The following DRC11 variants were observed in gnomAD, a reference collection of about 807,000 sequenced individuals.
DRC11 encodes dynein regulatory complex subunit 11.
chr2:236,310,523 G>A, the DRC11 span, among the ~76,000 whole-genome samples: 1 of 152,244 alleles, frequency 6.6e-6, no homozygotes. This position sits in a 1 kb window ranked among gnomAD's most constrained non-coding sequence, Gnocchi z 5.5. Context: ...TTGATGTCAT[G>A]AGGAAAATAA....
chr2:236,357,985 TA>T, the DRC11 span, among the ~76,000 whole-genome samples: 1 of 114,982 alleles, frequency 8.7e-6, no homozygotes, highest in Non-Finnish European at 1.6e-5. Flanking sequence ...TACTCATATA[TA>T]AATATATATG....
At chr2:236,315,913 A>G in the DRC11 span, among the ~76,000 whole-genome samples, 1 of 152,160 alleles carries the variant, frequency 6.6e-6, no homozygotes, top group African/African-American at 2.4e-5. The surrounding 1 kb of genome is among the most constrained non-coding windows in gnomAD (Gnocchi z 5.1). Context: ...TACCTAAGTA[A>G]TGGGTTGATA....
the DRC11 span, among the ~76,000 whole-genome samples, chr2:236,348,814 A>T: frequency 6.6e-6 from 1 of 152,086 alleles, no homozygotes; most frequent in Non-Finnish European, 1.5e-5. The surrounding 1 kb of genome is among the most constrained non-coding windows in gnomAD (Gnocchi z 7.4). Context: ...ACAGGTTCCC[A>T]AAGACCCTGC....
chr2:236,391,950 C>T, the DRC11 span: 1 of 1,596,424 alleles, frequency 6.3e-7, no homozygotes, highest in Non-Finnish European at 8.6e-7. This position sits in a 1 kb window ranked among gnomAD's most constrained non-coding sequence, Gnocchi z 4.5. Flanking sequence ...CCACCGCACC[C>T]CTCTGCAGGC....
the DRC11 span, among the ~76,000 whole-genome samples, chr2:236,397,803 C>T: frequency 7.2e-5 from 11 of 152,284 alleles, no homozygotes; most frequent in East Asian, 7.7e-4. This position sits in a 1 kb window ranked among gnomAD's most constrained non-coding sequence, Gnocchi z 5.0. Context: ...TACTGTCATC[C>T]GAACTTACAG....
the DRC11 span, among the ~76,000 whole-genome samples, chr2:236,413,246 G>A: frequency 6.6e-6 from 1 of 152,184 alleles, no homozygotes; most frequent in Non-Finnish European, 1.5e-5. This position sits in a 1 kb window ranked among gnomAD's most constrained non-coding sequence, Gnocchi z 4.0. Context: ...CCCAGAGAAT[G>A]TTCCTTCCCA....
the DRC11 span, among the ~76,000 whole-genome samples, chr2:236,491,192 A>ATATATATATATATACACAG: frequency 6.0e-5 from 3 of 49,672 alleles, no homozygotes; most frequent in South Asian, 1.3e-3. Flanking sequence ...CACACAGTAT[A>ATATATATATATATACACAG]TATATATATA....
chr2:236,318,175 G>A, the DRC11 span, among the ~76,000 whole-genome samples: 3 of 151,230 alleles, frequency 2.0e-5, no homozygotes, highest in African/African-American at 2.4e-5. The surrounding 1 kb of genome is among the most constrained non-coding windows in gnomAD (Gnocchi z 7.0). Context: ...GGGTGTCTGC[G>A]TCAGCCTTTC....
the DRC11 span, chr2:236,392,389 A>G: frequency 2.5e-6 from 3 of 1,198,154 alleles, no homozygotes; most frequent in African/African-American, 1.6e-5. The surrounding 1 kb of genome is among the most constrained non-coding windows in gnomAD (Gnocchi z 5.1). Context: ...AAAAGAAAAA[A>G]TTTTAAAAAG....
chr2:236,448,039 T>G, the DRC11 span, among the ~76,000 whole-genome samples: 5 of 152,188 alleles, frequency 3.3e-5, no homozygotes, highest in Non-Finnish European at 7.4e-5. This position sits in a 1 kb window ranked among gnomAD's most constrained non-coding sequence, Gnocchi z 5.3. Flanking sequence ...ATAATTATTA[T>G]GCAAAAAAGC....
chr2:236,479,224 T>G, the DRC11 span, among the ~76,000 whole-genome samples: 1 of 152,234 alleles, frequency 6.6e-6, no homozygotes, highest in East Asian at 1.9e-4. The surrounding 1 kb of genome is among the most constrained non-coding windows in gnomAD (Gnocchi z 4.1). Flanking sequence ...TAAGTCCATG[T>G]GTGTCTTTAT....
At chr2:236,475,888 T>C in the DRC11 span, among the ~76,000 whole-genome samples, 1 of 152,170 alleles carries the variant, frequency 6.6e-6, no homozygotes, top group African/African-American at 2.4e-5. This position sits in a 1 kb window ranked among gnomAD's most constrained non-coding sequence, Gnocchi z 4.8. Flanking sequence ...TGTAAATGCA[T>C]GGATTTATTT....
At chr2:236,357,418 AAAT>A in the DRC11 span, among the ~76,000 whole-genome samples, 275 of 125,742 alleles carry the variant, frequency 2.2e-3, no homozygotes, top group Non-Finnish European at 3.5e-3. Flanking sequence ...TTTATATTAT[AAAT>A]AATTTACATA....
chr2:236,450,055 A>G, the DRC11 span, among the ~76,000 whole-genome samples: 1 of 152,196 alleles, frequency 6.6e-6, no homozygotes. Context: ...TAAAAAACAT[A>G]TATTTCAGTA....
the DRC11 span, among the ~76,000 whole-genome samples, chr2:236,309,121 G>A: frequency 6.6e-6 from 1 of 152,150 alleles, no homozygotes; most frequent in African/African-American, 2.4e-5. This position sits in a 1 kb window ranked among gnomAD's most constrained non-coding sequence, Gnocchi z 5.7. Flanking sequence ...TGTTACCTGC[G>A]CTGTGCGTTT....
chr2:236,356,861 GTCAAATATTTA>G, the DRC11 span, among the ~76,000 whole-genome samples: 8 of 147,204 alleles, frequency 5.4e-5, no homozygotes, highest in African/African-American at 2.0e-4. Context: ...TTCATCATTT[GTCAAATATTTA>G]TCAAATATTT....
At chr2:236,428,797 A>C in the DRC11 span, among the ~76,000 whole-genome samples, 8 of 152,028 alleles carry the variant, frequency 5.3e-5, no homozygotes, top group African/African-American at 1.7e-4. Flanking sequence ...TTGTCTTGTA[A>C]ATCCTTCTTT....
chr2:236,399,068 C>A, the DRC11 span, among the ~76,000 whole-genome samples: 1 of 151,928 alleles, frequency 6.6e-6, no homozygotes, highest in African/African-American at 2.4e-5. This position sits in a 1 kb window ranked among gnomAD's most constrained non-coding sequence, Gnocchi z 7.0. Flanking sequence ...CGGCTCACTG[C>A]AAGCTCCGCC....
At chr2:236,391,261 A>C in the DRC11 span, 1 of 152,280 alleles carries the variant, frequency 6.6e-6, no homozygotes, top group Admixed American at 6.5e-5. This position sits in a 1 kb window ranked among gnomAD's most constrained non-coding sequence, Gnocchi z 4.5. Flanking sequence ...TGATCTAGCA[A>C]AAGTAGTCAC....
Sources: allele counts gnomAD v4.1 joint callset (sites outside exome capture counted in the v4.1 genomes callset), GRCh38; gene constraint gnomAD v4.1.1; non-coding constraint Gnocchi (gnomAD v3.1); transcripts MANE v1.5; gene names NCBI Gene and HGNC (gene_info 2026-07-23, HGNC 2026-07-21).